The following GRIK2 variants were observed in gnomAD, a reference collection of about 807,000 sequenced individuals.
The protein encoded by GRIK2 is glutamate ionotropic receptor kainate type subunit 2.
Under a neutral mutation model 100.3 loss-of-function variants are expected in GRIK2, and 32 were observed. The ratio of observed to expected loss-of-function variants is 0.32; its 90% CI spans 0.24 to 0.43. GRIK2 has a LOEUF of 0.43. GRIK2 is among the 20% of genes least tolerant of loss of function. The pLI is 1.00. For synonymous variants in GRIK2, 417 were observed against 389.4 expected, an observed-to-expected ratio of 1.07 and a Z score of -0.83; for missense variants, 843 against 1,114.9, an observed-to-expected ratio of 0.76 and a Z score of 3.47.
intron 7 of GRIK2, among the ~76,000 whole-genome samples, chr6:101,768,359 G>T (rs1022870198): frequency 6.6e-6 from 1 of 152,046 alleles, no homozygotes; most frequent in Admixed American, 6.6e-5. Context: ...GTCCCAACTG[G>T]TGTTTGACAT....
At chr6:101,845,002 TTTGTTG>T (rs141350986) in intron 10 of GRIK2, among the ~76,000 whole-genome samples, 43 of 150,996 alleles carry the variant, frequency 2.8e-4, no homozygotes, top group African/African-American at 4.6e-4. Context: ...TCATTGTTTG[TTTGTTG>T]TTGTTGTTGT....
chr6:101,494,689 G>C (rs1773330699), intron 2 of GRIK2, among the ~76,000 whole-genome samples: 2 of 151,574 alleles, frequency 1.3e-5, no homozygotes, highest in Admixed American at 1.3e-4. Flanking sequence ...CCAGCACTTT[G>C]GGAGGCCAAG....
chr6:101,561,074 G>A (rs1776988002), intron 2 of GRIK2, among the ~76,000 whole-genome samples: 1 of 152,112 alleles, frequency 6.6e-6, no homozygotes, highest in Non-Finnish European at 1.5e-5. Context: ...ATAGACCCCA[G>A]CAGCAGATTT....
At chr6:101,724,688 G>A (rs1774738073) in intron 7 of GRIK2, among the ~76,000 whole-genome samples, 1 of 151,978 alleles carries the variant, frequency 6.6e-6, no homozygotes, top group South Asian at 2.1e-4. Context: ...AGGTGAGGAG[G>A]CATTAATGAA....
intron 2 of GRIK2, among the ~76,000 whole-genome samples, chr6:101,489,930 C>A (rs1039399195): frequency 6.8e-6 from 1 of 146,236 alleles, no homozygotes; most frequent in Non-Finnish European, 1.5e-5. Flanking sequence ...CATCCAGGTC[C>A]AACATTTTAG....
At chr6:101,918,702 A>T (rs1362345860) in intron 12 of GRIK2, among the ~76,000 whole-genome samples, 1 of 151,702 alleles carries the variant, frequency 6.6e-6, no homozygotes, top group Non-Finnish European at 1.5e-5. Context: ...TTTGGCTGGA[A>T]TTCAAACCTT....
intron 7 of GRIK2, among the ~76,000 whole-genome samples, chr6:101,712,819 T>C (rs1773810199): frequency 6.6e-6 from 1 of 151,948 alleles, no homozygotes; most frequent in East Asian, 1.9e-4. Flanking sequence ...AATTGGACTT[T>C]AGGCAAGAAG....
chr6:101,709,142 CAG>C (rs762386158), intron 7 of GRIK2, among the ~76,000 whole-genome samples: 4 of 151,712 alleles, frequency 2.6e-5, no homozygotes, highest in Non-Finnish European at 5.9e-5. Flanking sequence ...AACAGACAAA[CAG>C]GGAGAACACA....
At position 101,694,832 on chromosome 6, in the gene GRIK2, A is replaced by C. The variant is rs2518301; in HGVS notation, c.951+8479A>C. ...TTTCCCATATTATTTCAGTTTTATG[A>C]ATAATCTTTGGAATTTGTTTTTGGC... On this transcript the variant is annotated intron_variant, in intron 7 of 16. Transcript: ENST00000369134. Among the ~76,000 whole-genome samples the C allele has an allele frequency of 1.6e-3, 237 of 151,974 alleles. 1 individual carries two copies. Among genetic ancestry groups the C allele is most frequent in the African/African-American group, 5.7e-3 (235 of 41,498 alleles).
chr6:101,757,269 C>A (rs1777194335), intron 7 of GRIK2, among the ~76,000 whole-genome samples: 1 of 152,078 alleles, frequency 6.6e-6, no homozygotes. Flanking sequence ...ACAAATAAAT[C>A]AATTAATATT....
rs143055261 is a variant in GRIK2, at chr6:101,609,205, G to A, written c.116-12744G>A. Reference sequence around the variant, plus strand: ...TGAGTTAGATGTTTAGAAAAGAAAAGTTACTAAACTTTAACTCTTTATTTA... The same window carrying A: ...TGAGTTAGATGTTTAGAAAAGAAAAATTACTAAACTTTAACTCTTTATTTA... On this transcript the variant is annotated intron_variant, in intron 2 of 16. Coordinates refer to ENST00000369134, the MANE Select transcript of GRIK2 (RefSeq NM_021956.5). Among the ~76,000 whole-genome samples, 919 of 151,740 alleles carry A rather than the reference G, an allele frequency of 6.1e-3. 11 individuals are homozygous for A. The highest frequency in any genetic ancestry group is 0.021 in the African/African-American group (883 of 41,444).
At chr6:101,627,477 G>A (rs192274599) in intron 4 of GRIK2, among the ~76,000 whole-genome samples, 2 of 152,126 alleles carry the variant, frequency 1.3e-5, no homozygotes, top group African/African-American at 2.4e-5. Context: ...CTGCTATGAA[G>A]TTTTTGCTAG....
intron 4 of GRIK2, among the ~76,000 whole-genome samples, chr6:101,631,142 G>A (rs1464849866): frequency 6.6e-6 from 1 of 152,092 alleles, no homozygotes; most frequent in African/African-American, 2.4e-5. Context: ...GTCTGTTATA[G>A]CTCTGAATGA....
chr6:101,697,719 C>T (rs75121457), intron 7 of GRIK2, among the ~76,000 whole-genome samples: 7,489 of 152,018 alleles, frequency 0.049, 238 homozygotes, highest in East Asian at 0.13. Flanking sequence ...ATCTAAATCA[C>T]CTAACTCTTG....
chr6:101,700,238 AATAATT>A (rs1168341485), intron 7 of GRIK2, among the ~76,000 whole-genome samples: 6 of 151,770 alleles, frequency 4.0e-5, no homozygotes, highest in African/African-American at 1.5e-4. Flanking sequence ...TAATAATAAT[AATAATT>A]GTTATTGTTA....
At chr6:101,512,664 G>A (rs1197033921) in intron 2 of GRIK2, among the ~76,000 whole-genome samples, 1 of 150,730 alleles carries the variant, frequency 6.6e-6, no homozygotes, top group African/African-American at 2.4e-5. Flanking sequence ...TCTCTTCATA[G>A]TATTAACTTT....
chr6:101,496,070 C>T (rs903175850), intron 2 of GRIK2, among the ~76,000 whole-genome samples: 13 of 152,036 alleles, frequency 8.6e-5, no homozygotes, highest in Non-Finnish European at 1.8e-4. Context: ...CTCAGCTTCC[C>T]AAGTAGCTGG....
intron 14 of GRIK2, among the ~76,000 whole-genome samples, chr6:101,935,301 C>A (rs1790546075): frequency 6.6e-6 from 1 of 151,834 alleles, no homozygotes; most frequent in Non-Finnish European, 1.5e-5. Context: ...AGCTTTTTCT[C>A]ATGTCATTTT....
At position 102,035,440 on chromosome 6, in the gene GRIK2, C is replaced by A; in HGVS notation, c.2185C>A (p.Leu729Ile). 1 of 1,608,290 alleles carries A rather than the reference C, an allele frequency of 6.2e-7. No individual in the cohort carries two copies. The highest frequency in any genetic ancestry group is 8.5e-7 in the Non-Finnish European group (1 of 1,175,648). ...KSNEEGIQRVLTSDYAFLMES... is the reference protein window; with the variant it reads ...KSNEEGIQRVITSDYAFLMES... ...TAATGAAGAAGGAATCCAGCGAGTCCTCACCTCTGATTATGCTTTCCTAAT... is the reference window on the plus strand; with the variant it reads ...TAATGAAGAAGGAATCCAGCGAGTCATCACCTCTGATTATGCTTTCCTAAT... Residue 729 changes from leucine to isoleucine, a missense_variant, in exon 15 of 17, where the codon CTC becomes ATC. Transcript: ENST00000369134.
Sources: gnomAD v4.1 joint callset for allele counts (sites outside exome capture counted in the v4.1 genomes callset) on GRCh38, gnomAD v4.1.1 for gene constraint, MANE v1.5 for transcripts, NCBI Gene and HGNC (gene_info 2026-07-23, HGNC 2026-07-21) for gene names.